The following ADCY7 variants were observed in gnomAD, a reference collection of about 807,000 sequenced individuals.
ADCY7 encodes adenylate cyclase 7.
ADCY7 carries 72 observed loss-of-function variants against 120.6 expected under a neutral mutation model. That is an observed-to-expected ratio of 0.60 (90% CI 0.49 to 0.73). ADCY7 has a LOEUF of 0.73. ADCY7 is among the 30% of genes least tolerant of loss of function. The pLI, the probability that ADCY7 is intolerant of heterozygous loss-of-function variation, is 0.00. For missense variants in ADCY7, 1,227 were observed against 1,486.0 expected (o/e 0.83, Z 2.87); for synonymous variants, 661 against 628.0 (o/e 1.05, Z -0.78).
rs1250833084 is a variant in ADCY7, at chr16:50,317,919, G to A, written c.*2414G>A. The stretch of plus-strand genomic sequence containing the variant: ...TAACAAACAAACAAACAAACAAACA[G>A]AAGAGAAGATCATTAACCACTGTAT... On this transcript the variant is annotated 3_prime_UTR_variant, in exon 26 of 26. Transcript: ENST00000673801. 1.4e-5 allele frequency: 2 copies of A among 143,822 alleles called. No homozygotes were observed. The highest frequency in any genetic ancestry group is 6.9e-5 in the Admixed American group (1 of 14,568). 8.9% of individuals were successfully genotyped at this position (143,822 alleles called of 1,614,324 possible).
chr16:50,284,099 A>T (rs761823326), intron 1 of ADCY7, among the ~76,000 whole-genome samples: 1 of 152,106 alleles, frequency 6.6e-6, no homozygotes, highest in African/African-American at 2.4e-5. Context: ...CTTCCCGGGC[A>T]GGGGGTGCCT....
At chr16:50,260,025 C>T (rs917868619) in intron 1 of ADCY7, among the ~76,000 whole-genome samples, 3 of 152,232 alleles carry the variant, frequency 2.0e-5, no homozygotes, top group African/African-American at 7.2e-5. Flanking sequence ...TGTGCTGCCT[C>T]TGCGAGTCCC....
intron 22 of ADCY7, 28 bp from the exon 23 acceptor site, chr16:50,313,930 T>TGCTTCACC (rs1567585172): frequency 6.3e-7 from 1 of 1,591,794 alleles, no homozygotes; most frequent in Non-Finnish European, 8.6e-7. Context: ...GAGTGGCGGC[T>TGCTTCACC]GCTTCACCGC....
At chr16:50,303,804 C>CTCTG (rs80033806) in intron 10 of ADCY7, among the ~76,000 whole-genome samples, 24,345 of 152,088 alleles carry the variant, frequency 0.16, 2,227 homozygotes, top group Middle Eastern at 0.34. Flanking sequence ...GTTGGCTGGC[C>CTCTG]TCTGGCTTGG....
Position 50,291,722 on chromosome 16 carries a change from G to A in ADCY7, c.376-14G>A, listed in dbSNP as rs751088917. 11 of 1,613,944 alleles carry A rather than the reference G, an allele frequency of 6.8e-6. No individual in the cohort carries two copies. In the South Asian group the frequency reaches 8.8e-5, roughly 13 times the overall value. ...GCATCTTGGGGCACCGGGCTCACCA[G>A]GCTGCATCCACAGGTGCCCTTCTTC... is the stretch of plus-strand genomic sequence containing the variant. On this transcript the variant is annotated splice_polypyrimidine_tract_variant and intron_variant, in intron 3 of 25. Coordinates refer to ENST00000673801, the MANE Select transcript of ADCY7 (RefSeq NM_001114.5).
intron 1 of ADCY7, among the ~76,000 whole-genome samples, chr16:50,255,064 T>C (rs1447904290): frequency 6.7e-6 from 1 of 150,188 alleles, no homozygotes; most frequent in East Asian, 1.9e-4. Context: ...GGTGGGAGGA[T>C]TGCTTGAGGC....
intron 10 of ADCY7, among the ~76,000 whole-genome samples, chr16:50,302,627 G>T (rs1372754367): frequency 8.9e-6 from 1 of 112,650 alleles, no homozygotes; most frequent in Non-Finnish European, 1.6e-5. Context: ...AAGTTCAAAA[G>T]GTGTGAAGGG....
At position 50,293,064 on chromosome 16, in the gene ADCY7, C is replaced by T. The variant is rs564178928; in HGVS notation, c.687+239C>T. ...GTCCCCAGGTGGCGGCAGAGAAGGC[C>T]GTAGTGGCTCCAGGCTGCTCACCCA... is the stretch of plus-strand genomic sequence containing the variant. On this transcript the variant is annotated intron_variant, in intron 5 of 25. Coordinates refer to ENST00000673801, the MANE Select transcript of ADCY7 (RefSeq NM_001114.5). Among the ~76,000 whole-genome samples the T allele has an allele frequency of 2.3e-3, 355 of 152,274 alleles. 1 individual carries two copies. The highest frequency in any genetic ancestry group is 3.4e-3 in the Non-Finnish European group (233 of 68,030).
In ADCY7 at chr16:50,299,001, A is replaced by T. The variant is rs150094519; in HGVS notation, c.1046A>T (p.Lys349Met). ...CCTACCCACGCCCGGAACTGCGTGA[A>T]GATGGGGCTGGACATGTGCCAGGCC... ...SLPTHARNCVKMGLDMCQAIK... is the reference protein window; with the variant it reads ...SLPTHARNCVMMGLDMCQAIK... Residue 349 changes from lysine to methionine, a missense_variant, in exon 8 of 26, where the codon AAG (lysine) becomes ATG (methionine). Coordinates refer to ENST00000673801, the MANE Select transcript of ADCY7 (RefSeq NM_001114.5). The T allele has an allele frequency of 3.0e-4, 489 of 1,612,598 alleles. No homozygotes were observed. Among genetic ancestry groups the T allele is most frequent in the Non-Finnish European group, 3.8e-4 (448 of 1,179,996 alleles).
chr16:50,268,697 T>G (rs2033371104), intron 1 of ADCY7, among the ~76,000 whole-genome samples: 1 of 152,044 alleles, frequency 6.6e-6, no homozygotes, highest in South Asian at 2.1e-4. Flanking sequence ...GCATGGAGGT[T>G]GGTGTAGGGA....
intron 6 of ADCY7, 77 bp downstream of exon 6, chr16:50,293,579 GC>G: frequency 2.0e-6 from 3 of 1,528,224 alleles, no homozygotes; most frequent in Non-Finnish European, 2.7e-6. Context: ...CGGCCTCCCC[GC>G]CCTATCTGGA....
Position 50,305,585 on chromosome 16 carries a change from A to AG in ADCY7, c.1679+1dup, listed in dbSNP as rs779156018. The AG allele has an allele frequency of 3.1e-6, 5 of 1,597,876 alleles. No homozygotes were observed. The highest frequency in any genetic ancestry group is 4.3e-6 in the Non-Finnish European group (5 of 1,170,720). ...AGCCATTGAGGGGCTCAGCTCCACG[A>AG]GGTGAGGTCTGAGACCTCTGTCCAC... is the stretch of plus-strand genomic sequence containing the variant. On this transcript the variant is annotated frameshift_variant and splice_region_variant, in exon 13 of 26. Coordinates refer to ENST00000673801, the MANE Select transcript of ADCY7 (RefSeq NM_001114.5). LOFTEE classifies it high-confidence loss of function.
Position 50,315,382 on chromosome 16 carries a change from C to A in ADCY7, c.3120C>A (p.Ile1040=), listed in dbSNP as rs1431349229. The change falls in exon 26 of 26, where the codon ATC becomes ATA. Residue 1040 remains isoleucine, a synonymous_variant. Transcript: ENST00000673801. ...KIQVTEETCT[I]LQGLGYSCEC... ...AGGTTACCGAGGAGACCTGCACCATCCTCCAGGGCCTCGGGTACTCTTGTG... is the reference window on the plus strand; with the variant it reads ...AGGTTACCGAGGAGACCTGCACCATACTCCAGGGCCTCGGGTACTCTTGTG... 1.2e-5 allele frequency: 20 copies of A among 1,613,214 alleles called. No individual in the cohort carries two copies. Among genetic ancestry groups the A allele is most frequent in the Non-Finnish European group, 1.5e-5 (18 of 1,179,288 alleles).
At chr16:50,276,716 C>G (rs1168159840) in intron 1 of ADCY7, among the ~76,000 whole-genome samples, 1 of 152,142 alleles carries the variant, frequency 6.6e-6, no homozygotes, top group Non-Finnish European at 1.5e-5. Flanking sequence ...CCTCAGCCTC[C>G]CAAGTTTGCT....
intron 6 of ADCY7, 61 bp downstream of exon 6, chr16:50,293,563 C>T: frequency 6.4e-6 from 10 of 1,572,574 alleles, no homozygotes; most frequent in Non-Finnish European, 7.8e-6. Context: ...TCCACCGGCC[C>T]CCAGGCGGCC....
At chr16:50,260,865 T>G (rs2033040342) in intron 1 of ADCY7, among the ~76,000 whole-genome samples, 1 of 152,138 alleles carries the variant, frequency 6.6e-6, no homozygotes, top group Admixed American at 6.5e-5. Flanking sequence ...GAGTGGAAGC[T>G]TCTGAGATCT....
intron 1 of ADCY7, among the ~76,000 whole-genome samples, chr16:50,260,037 C>T (rs2033018657): frequency 6.6e-6 from 1 of 152,250 alleles, no homozygotes; most frequent in Non-Finnish European, 1.5e-5. Flanking sequence ...GCGAGTCCCT[C>T]TCCCTGGGGA....
At position 50,316,864 on chromosome 16, in the gene ADCY7, C is replaced by G. The variant is rs1478910303; in HGVS notation, c.*1359C>G. ...GCATCGCCAGGATTTCTAATGCACT[C>G]AGTTTCCCTACATAGCAGGGATTCT... On this transcript the variant is annotated 3_prime_UTR_variant, in exon 26 of 26. Coordinates refer to ENST00000673801, the MANE Select transcript of ADCY7 (RefSeq NM_001114.5). The G allele has an allele frequency of 6.6e-6, 1 of 152,370 alleles. No individual in the cohort carries two copies. The highest frequency in any genetic ancestry group is 2.4e-5 in the African/African-American group (1 of 41,446). 9.4% of individuals were successfully genotyped at this position (152,370 alleles called of 1,614,324 possible).
chr16:50,290,364 TGTAA>T, intron 2 of ADCY7, 89 bp from the exon 3 acceptor site: 1 of 1,392,178 alleles, frequency 7.2e-7, no homozygotes, highest in Admixed American at 1.9e-5. Flanking sequence ...TGGAGGAAGC[TGTAA>T]GTGAGGCAGC....
Sources: allele counts gnomAD v4.1 joint callset (sites outside exome capture counted in the v4.1 genomes callset), GRCh38; gene constraint gnomAD v4.1.1; transcripts MANE v1.5; gene names NCBI Gene and HGNC (gene_info 2026-07-23, HGNC 2026-07-21).